The following TRAM1 variants were observed in gnomAD, a reference collection of about 807,000 sequenced individuals.
The protein encoded by TRAM1 is translocation associated membrane protein 1.
TRAM1 carries 17 observed loss-of-function variants against 48.7 expected under a neutral mutation model. The ratio of observed to expected loss-of-function variants is 0.35; its 90% CI spans 0.24 to 0.52. The LOEUF (loss-of-function observed/expected upper bound fraction) is 0.52. TRAM1 is among the 20% of genes least tolerant of loss of function. TRAM1 has a pLI of 0.94. For synonymous variants in TRAM1, 182 were observed against 154.0 expected, an observed-to-expected ratio of 1.18 and a Z score of -1.34; for missense variants, 351 against 441.5, an observed-to-expected ratio of 0.79 and a Z score of 1.84.
chr8:70,604,588 T>C (rs562894095), intron 1 of TRAM1, among the ~76,000 whole-genome samples: 32 of 152,164 alleles, frequency 2.1e-4, no homozygotes, highest in African/African-American at 7.7e-4. Context: ...ATGTGAGATG[T>C]GTCTCTCCCT....
chr8:70,585,342 A>T (rs1817186780), intron 8 of TRAM1, among the ~76,000 whole-genome samples: 1 of 152,072 alleles, frequency 6.6e-6, no homozygotes, highest in African/African-American at 2.4e-5. Context: ...AACCTAGGCA[A>T]TACCATTCAG....
At chr8:70,593,619 G>A (rs1321301675) in intron 6 of TRAM1, among the ~76,000 whole-genome samples, 8 of 148,644 alleles carry the variant, frequency 5.4e-5, no homozygotes, top group Non-Finnish European at 1.0e-4. Flanking sequence ...AAAACTCCCA[G>A]AAAAAAGGGA....
In TRAM1 at chr8:70,587,065, T is replaced by G. The variant is rs781659117; in HGVS notation, c.641+41A>C. The G allele has an allele frequency of 3.7e-6, 6 of 1,612,222 alleles. No individual in the cohort carries two copies. The African/African-American group carries it at 8.0e-5, about 22-fold the overall frequency. ...AATTAAGACAGGTCAGCATACTATC[T>G]GCCCAGCCTACTTACACACCCATGA... On this transcript the variant is annotated intron_variant, in intron 7 of 10. Coordinates refer to ENST00000262213, the MANE Select transcript of TRAM1 (RefSeq NM_014294.6).
intron 8 of TRAM1, 74 bp from the exon 9 acceptor site, chr8:70,583,867 G>T: frequency 1.4e-6 from 2 of 1,479,068 alleles, no homozygotes; most frequent in Non-Finnish European, 1.8e-6. Flanking sequence ...AGATTCCTAA[G>T]TTGGGCGTGG....
chr8:70,591,416 A>G (rs1356495451), intron 6 of TRAM1, among the ~76,000 whole-genome samples: 1 of 152,176 alleles, frequency 6.6e-6, no homozygotes, highest in East Asian at 1.9e-4. Context: ...TGAGGCCGAC[A>G]ACAAAGCCTT....
chr8:70,584,443 C>A (rs1817159055), intron 8 of TRAM1, among the ~76,000 whole-genome samples: 1 of 152,108 alleles, frequency 6.6e-6, no homozygotes, highest in Non-Finnish European at 1.5e-5. Context: ...GGCAATTAGG[C>A]AGGAGAAGGA....
chr8:70,591,076 C>A (rs192073814), intron 6 of TRAM1, among the ~76,000 whole-genome samples: 66 of 151,546 alleles, frequency 4.4e-4, no homozygotes, highest in African/African-American at 1.4e-3. Context: ...TAACAAACAC[C>A]CTACATAAAG....
At chr8:70,603,311 C>T (rs1003076498) in intron 1 of TRAM1, among the ~76,000 whole-genome samples, 31 of 70,162 alleles carry the variant, frequency 4.4e-4, no homozygotes, top group African/African-American at 1.1e-3. Flanking sequence ...TATACACACA[C>T]ACACACACAC....
At chr8:70,589,971 G>T (rs1586757948) in intron 6 of TRAM1, among the ~76,000 whole-genome samples, 1 of 152,256 alleles carries the variant, frequency 6.6e-6, no homozygotes, top group South Asian at 2.1e-4. Context: ...GCACATAAAT[G>T]ACTAGGTATA....
Position 70,587,189 on chromosome 8 carries a change from A to G in TRAM1, c.571-13T>C. 1 of 1,609,498 alleles carries G rather than the reference A, an allele frequency of 6.2e-7. No individual in the cohort carries two copies. The highest frequency in any genetic ancestry group is 8.5e-7 in the Non-Finnish European group (1 of 1,176,158). The stretch of plus-strand genomic sequence containing the variant: ...GAGGAATATCTTCCTGTAAAAAAAT[A>G]CATTATAGATTAAAACATGCTAAAA... On this transcript the variant is annotated splice_polypyrimidine_tract_variant and intron_variant, in intron 6 of 10. Coordinates refer to ENST00000262213, the MANE Select transcript of TRAM1 (RefSeq NM_014294.6).
intron 1 of TRAM1, among the ~76,000 whole-genome samples, chr8:70,603,313 C>T (rs1342519716): frequency 4.2e-5 from 3 of 72,250 alleles, no homozygotes; most frequent in South Asian, 3.1e-4. Flanking sequence ...TACACACACA[C>T]ACACACACAC....
rs370490183 is a variant in TRAM1 at position 70,596,336 on chromosome 8, A to G, written c.427-15T>C. 122 of 1,579,752 alleles carry G rather than the reference A, an allele frequency of 7.7e-5. No individual in the cohort carries two copies. The highest frequency in any genetic ancestry group is 1.7e-4 in the Middle Eastern group (1 of 5,988). On this transcript the variant is annotated splice_polypyrimidine_tract_variant and intron_variant, in intron 4 of 10. Coordinates refer to ENST00000262213, the MANE Select transcript of TRAM1 (RefSeq NM_014294.6). ...ATGTAGTTTTCCTAAGAAAGAAGAT[A>G]TAAAAATTAACCTGTGAGCATAATG...
In TRAM1 at chr8:70,591,763, A is replaced by G. The variant is rs1042542170; in HGVS notation, c.570+2743T>C. On this transcript the variant is annotated intron_variant, in intron 6 of 10. Coordinates refer to ENST00000262213, the MANE Select transcript of TRAM1 (RefSeq NM_014294.6). ...AAATCTTTACAAAGCTCTGCATTAT[A>G]GAGCTCTGTATTAATTATCTTGACA... Among the ~76,000 whole-genome samples the G allele has an allele frequency of 3.3e-5, 5 of 152,196 alleles. 1 individual carries two copies. Among genetic ancestry groups the G allele is most frequent in the Admixed American group, 3.3e-4 (5 of 15,268 alleles).
At chr8:70,584,207 T>C (rs1817151647) in intron 8 of TRAM1, among the ~76,000 whole-genome samples, 1 of 152,206 alleles carries the variant, frequency 6.6e-6, no homozygotes, top group African/African-American at 2.4e-5. Flanking sequence ...AAATGTTTAA[T>C]TTTCTGTTTA....
intron 6 of TRAM1, among the ~76,000 whole-genome samples, chr8:70,593,981 A>G (rs1817425405): frequency 6.6e-6 from 1 of 152,200 alleles, no homozygotes; most frequent in African/African-American, 2.4e-5. Context: ...AAATAAAACA[A>G]ACAAATATCC....
At position 70,574,059 on chromosome 8, in the gene TRAM1, T is replaced by C. The variant is rs1022208823; in HGVS notation, c.*873A>G. 8.6e-5 allele frequency: 20 copies of C among 231,650 alleles called. No individual in the cohort carries two copies. Among genetic ancestry groups the C allele is most frequent in the Admixed American group, 7.3e-4 (12 of 16,496 alleles). The allele number at this position is 231,650 out of a possible 1,614,324, so 14.3% of individuals were successfully genotyped here. ...TTACCTGTCAGTCTTTTTATAGATA[T>C]AAATCAAGTAGGCATTATGTTTTAA... On this transcript the variant is annotated 3_prime_UTR_variant, in exon 11 of 11. Transcript: ENST00000262213.
chr8:70,585,545 C>G (rs1200735368), intron 8 of TRAM1, among the ~76,000 whole-genome samples: 2 of 124,726 alleles, frequency 1.6e-5, no homozygotes, highest in Admixed American at 1.6e-4. Flanking sequence ...GGGCTAATAT[C>G]CAGAATCTAC....
chr8:70,573,701 T>C lies in TRAM1; in HGVS notation c.*1231A>G, dbSNP rs1816870963. The C allele has an allele frequency of 6.6e-6, 1 of 152,472 alleles. No homozygotes were observed. Among genetic ancestry groups the C allele is most frequent in the African/African-American group, 2.4e-5 (1 of 41,416 alleles). 9.4% of individuals were successfully genotyped at this position (152,472 alleles called of 1,614,324 possible). A position where few individuals can be genotyped will look rare whatever the true frequency, so the allele number is the denominator to read the frequency against. ...AACAGCTGGTGACACAAGTGAGAAA[T>C]GGGGAACAAGATGTGAACACTGAAA... is the stretch of plus-strand genomic sequence containing the variant. On this transcript the variant is annotated 3_prime_UTR_variant, in exon 11 of 11. Transcript: ENST00000262213.
chr8:70,608,288 T>G lies in TRAM1; in HGVS notation c.-89A>C, dbSNP rs1194279471. On this transcript the variant is annotated 5_prime_UTR_variant, in exon 1 of 11. Transcript: ENST00000262213. ...CGACTCGCCGCCGCCTCCCGCTGGC[T>G]GCTCCTCACGGCCCCGCTGCAGCCG... The G allele has an allele frequency of 1.4e-6, 2 of 1,468,754 alleles. No individual in the cohort carries two copies. Among genetic ancestry groups the G allele is most frequent in the African/African-American group, 2.9e-5 (2 of 68,216 alleles). The allele number at this position is 1,468,754 out of a possible 1,614,324, so 91.0% of individuals were successfully genotyped here.
Sources: gnomAD v4.1 joint callset for allele counts (sites outside exome capture counted in the v4.1 genomes callset) on GRCh38, gnomAD v4.1.1 for gene constraint, MANE v1.5 for transcripts, NCBI Gene and HGNC (gene_info 2026-07-23, HGNC 2026-07-21) for gene names.